DNAJA1: variants seen among roughly 807,000 people sequenced by gnomAD.
DNAJA1 encodes the protein DnaJ heat shock protein family (Hsp40) member A1, also known as dnaJ homolog subfamily A member 1.
A neutral mutation model predicts 47.6 loss-of-function variants in DNAJA1; 26 were observed. The ratio of observed to expected loss-of-function variants is 0.55; its 90% CI spans 0.40 to 0.76. DNAJA1 has a LOEUF of 0.76. DNAJA1 is among the 30% of genes least tolerant of loss of function. The pLI is 0.00. For synonymous variants in DNAJA1, 165 were observed against 158.4 expected (o/e 1.04, Z -0.31); for missense variants, 315 against 485.0 (o/e 0.65, Z 3.29).
intron 1 of DNAJA1, among the ~76,000 whole-genome samples, chr9:33,025,698 T>TGGG (rs58332210): frequency 1.4e-5 from 2 of 146,932 alleles, no homozygotes; most frequent in Non-Finnish European, 3.0e-5. Flanking sequence ...TCGCTCGGGG[T>TGGG]GGGGGGGGGG....
At position 33,039,311 on chromosome 9, in the gene DNAJA1, A is replaced by G. The variant is rs1839083033; in HGVS notation, c.*408A>G. The stretch of plus-strand genomic sequence containing the variant: ...GGCAATGAGGAAAAAAAAATTTTGT[A>G]GAGAAGTGTTGGTCTGTATAGTTCT... On this transcript the variant is annotated 3_prime_UTR_variant, in exon 9 of 9. Coordinates refer to ENST00000330899, the MANE Select transcript of DNAJA1 (RefSeq NM_001539.4). 5.6e-6 allele frequency: 1 copy of G among 178,646 alleles called. No homozygotes were observed. The highest frequency in any genetic ancestry group is 5.5e-5 in the Admixed American group (1 of 18,064). The allele number at this position is 178,646 out of a possible 1,614,324, so 11.1% of individuals were successfully genotyped here.
rs534084813 is a variant in DNAJA1, at chr9:33,037,654, C to T, written c.975+539C>T. 2.0e-5 allele frequency among the ~76,000 whole-genome samples: 3 copies of T among 152,204 alleles called. No homozygotes were observed. The East Asian group carries it at 5.9e-4, about 30-fold the overall frequency. On this transcript the variant is annotated intron_variant, in intron 8 of 8. Coordinates refer to ENST00000330899, the MANE Select transcript of DNAJA1 (RefSeq NM_001539.4). ...TCAAGATCGTGTCACTGTACTTCAA[C>T]CTGGGTGACAGAATGAGACCCTGTC...
intron 3 of DNAJA1, among the ~76,000 whole-genome samples, chr9:33,028,537 G>T (rs1016911281): frequency 6.6e-6 from 1 of 152,130 alleles, no homozygotes; most frequent in Non-Finnish European, 1.5e-5. Flanking sequence ...TTCAAGGAAA[G>T]GATTATGTTT....
chr9:33,029,772 T>C (rs1027631445), intron 3 of DNAJA1, 113 bp from the exon 4 acceptor site: 2 of 745,976 alleles, frequency 2.7e-6, no homozygotes, highest in East Asian at 2.7e-5. Context: ...TCAACAGATG[T>C]ACCCTGTGAG....
intron 6 of DNAJA1, among the ~76,000 whole-genome samples, chr9:33,035,524 C>T (rs889954189): frequency 8.6e-5 from 13 of 151,958 alleles, no homozygotes; most frequent in African/African-American, 1.2e-4. Context: ...GGCTGGATTG[C>T]GATGGTGAGA....
Position 33,036,658 on chromosome 9 carries a change from C to A in DNAJA1, c.843C>A (p.Asp281Glu). 6.2e-7 allele frequency: 1 copy of A among 1,613,958 alleles called. No individual in the cohort carries two copies. The change falls in exon 7 of 9, where the codon GAC (aspartate) becomes GAA (glutamate). Residue 281 changes from aspartate to glutamate, a missense_variant. By Grantham distance (45) the Asp-to-Glu change is conservative (BLOSUM62 2). Transcript: ENST00000330899. ...TCCAGAAGCCAATATCTACTCTTGA[C>A]AACCGAACCATCGTCATCACCTCTC... ...CGFQKPISTLDNRTIVITSHP... is the reference protein window; with the variant it reads ...CGFQKPISTLENRTIVITSHP...
chr9:33,032,759 C>A (rs1838979884), intron 5 of DNAJA1, among the ~76,000 whole-genome samples: 1 of 152,108 alleles, frequency 6.6e-6, no homozygotes, highest in Non-Finnish European at 1.5e-5. Flanking sequence ...ACTGATAGCG[C>A]TTTAAGTCCT....
chr9:33,034,334 A>G lies in DNAJA1; in HGVS notation c.758+4A>G. 6.2e-7 allele frequency: 1 copy of G among 1,601,452 alleles called. No individual in the cohort carries two copies. ...AGGACCATGCTGTTTTTACTCGGTAAAGACTTTTATCAACCACTCAAATTG... is the reference window on the plus strand; with the variant it reads ...AGGACCATGCTGTTTTTACTCGGTAGAGACTTTTATCAACCACTCAAATTG... On this transcript the variant is annotated splice_donor_region_variant and intron_variant, in intron 6 of 8. Transcript: ENST00000330899.
intron 3 of DNAJA1, among the ~76,000 whole-genome samples, chr9:33,027,899 C>T (rs556482069): frequency 1.3e-5 from 2 of 151,796 alleles, no homozygotes; most frequent in Admixed American, 6.6e-5. Context: ...TGGTGCGTGC[C>T]TGTAATCCCA....
chr9:33,038,637 G>T, intron 8 of DNAJA1, 48 bp from the exon 9 acceptor site: 1 of 1,557,088 alleles, frequency 6.4e-7, no homozygotes, highest in East Asian at 2.3e-5. Flanking sequence ...GATACTCTAA[G>T]GGAGCTAATG....
At position 33,039,052 on chromosome 9, in the gene DNAJA1, C is replaced by G; in HGVS notation, c.*149C>G. On this transcript the variant is annotated 3_prime_UTR_variant, in exon 9 of 9. Transcript: ENST00000330899. ...TAAAAAGTTAAATGAAGAATAAACG[C>G]AAATATAAAAGCTCTGATTTTGCCC... 1.3e-6 allele frequency: 1 copy of G among 771,596 alleles called. No individual in the cohort carries two copies. Among genetic ancestry groups the G allele is most frequent in the Admixed American group, 2.9e-5 (1 of 35,008 alleles). 47.8% of individuals were successfully genotyped at this position (771,596 alleles called of 1,614,324 possible). A position where few individuals can be genotyped will look rare whatever the true frequency, so the allele number is the denominator to read the frequency against.
At chr9:33,038,092 C>T (rs1300997022) in intron 8 of DNAJA1, among the ~76,000 whole-genome samples, 1 of 151,690 alleles carries the variant, frequency 6.6e-6, no homozygotes, top group Non-Finnish European at 1.5e-5. Context: ...GTAACCTCCA[C>T]CTCCTGGGTT....
intron 6 of DNAJA1, among the ~76,000 whole-genome samples, chr9:33,034,707 T>C (rs1839008428): frequency 6.6e-6 from 1 of 152,214 alleles, no homozygotes; most frequent in Admixed American, 6.5e-5. Flanking sequence ...ATTATAAATA[T>C]CCAAAAGCAT....
At chr9:33,029,111 A>C (rs578055910) in intron 3 of DNAJA1, among the ~76,000 whole-genome samples, 4 of 152,356 alleles carry the variant, frequency 2.6e-5, no homozygotes, top group African/African-American at 9.6e-5. Flanking sequence ...GGCACTCCTT[A>C]GTAGCCACTG....
In DNAJA1 at chr9:33,026,983, AAGG is replaced by A. The variant is rs756674291; in HGVS notation, c.306_308del (p.Arg103del). 6.2e-7 allele frequency: 1 copy of A among 1,614,108 alleles called. No homozygotes were observed. The highest frequency in any genetic ancestry group is 1.1e-5 in the South Asian group (1 of 91,082). On this transcript the variant is annotated inframe_deletion, in exon 3 of 9. Coordinates refer to ENST00000330899, the MANE Select transcript of DNAJA1 (RefSeq NM_001539.4). ...GAGGAGGAGGAAGGATGCAGAGAGA[AAGG>A]AGAGGTAAGAAGAATCTAGTCTTTG... is the stretch of plus-strand genomic sequence containing the variant.
intron 3 of DNAJA1, 90 bp from the exon 4 acceptor site, chr9:33,029,794 AT>A (rs1838931872): frequency 9.8e-7 from 1 of 1,020,186 alleles, no homozygotes. Flanking sequence ...CTCATCTTTT[AT>A]TATTCTTTGC....
chr9:33,026,702 A>G lies in DNAJA1; in HGVS notation c.132+86A>G, dbSNP rs1838867001. ...TATTATGGCCTGAAATCGAGTATCT[A>G]ATATAGTAACTATGATCACTTCTCG... On this transcript the variant is annotated intron_variant, in intron 2 of 8. Transcript: ENST00000330899. 2.6e-6 allele frequency: 4 copies of G among 1,566,154 alleles called. No homozygotes were observed. In the Admixed American group the frequency reaches 5.9e-5, roughly 23 times the overall value.
intron 8 of DNAJA1, among the ~76,000 whole-genome samples, chr9:33,037,942 C>G (rs1436489275): frequency 2.0e-5 from 3 of 151,710 alleles, no homozygotes; most frequent in Non-Finnish European, 2.9e-5. Context: ...ATAAAGCAAT[C>G]CAGTCATTTT....
rs1839073898 is a variant in DNAJA1, at chr9:33,038,816, T to C, written c.1107T>C (p.Asn369=). The C allele has an allele frequency of 6.2e-7, 1 of 1,613,876 alleles. No homozygotes were observed. Among genetic ancestry groups the C allele is most frequent in the African/African-American group, 1.3e-5 (1 of 74,852 alleles). The part of the protein sequence containing the change: ...DQVELVDFDP[N]QERRRHYNGE... ...TAGAACTGGTGGACTTTGATCCAAA[T>C]CAGGAAAGACGGCGCCACTACAATG... The change falls in exon 9 of 9, where the codon AAT becomes AAC. Residue 369 remains asparagine (N), a synonymous_variant. Transcript: ENST00000330899.
Sources: gnomAD v4.1 joint callset for allele counts (sites outside exome capture counted in the v4.1 genomes callset) on GRCh38, gnomAD v4.1.1 for gene constraint, MANE v1.5 for transcripts, NCBI Gene and HGNC (gene_info 2026-07-23, HGNC 2026-07-21) for gene names.